DNA2: variants seen among roughly 807,000 people sequenced by gnomAD.
DNA2 encodes the protein DNA replication helicase/nuclease 2, also known as DNA replication ATP-dependent helicase/nuclease DNA2.
Under a neutral mutation model 119.1 loss-of-function variants are expected in DNA2, and 101 were observed. The observed-to-expected ratio is 0.85, with a 90% confidence interval of 0.72 to 1.00. The LOEUF is 1.00. DNA2 is among the 50% of genes least tolerant of loss of function. The pLI, the probability that DNA2 is intolerant of heterozygous loss-of-function variation, is 0.00. For missense variants in DNA2, 1,121 were observed against 1,255.5 expected, an observed-to-expected ratio of 0.89 and a Z score of 1.62; for synonymous variants, 366 against 424.4, an observed-to-expected ratio of 0.86 and a Z score of 1.69.
chr10:68,457,670 A>G (rs2133428446), intron 5 of DNA2, among the ~76,000 whole-genome samples: 1 of 152,016 alleles, frequency 6.6e-6, no homozygotes, highest in South Asian at 2.1e-4. Context: ...CACCCAATAA[A>G]TATTTGCTAA....
chr10:68,424,893 A>C, intron 14 of DNA2: 66 of 722,842 alleles, frequency 9.1e-5, no homozygotes, highest in Middle Eastern at 2.5e-4. Flanking sequence ...GCTAAATCTC[A>C]ACAAGGATCG....
intron 8 of DNA2, among the ~76,000 whole-genome samples, chr10:68,443,958 A>C (rs1392115965): frequency 6.6e-6 from 1 of 151,988 alleles, no homozygotes; most frequent in East Asian, 1.9e-4. Context: ...CTCAAAAAAA[A>C]AGAAAAAAAG....
intron 14 of DNA2, among the ~76,000 whole-genome samples, chr10:68,425,288 GT>G (rs895111522): frequency 1.3e-5 from 2 of 151,206 alleles, no homozygotes; most frequent in African/African-American, 4.9e-5. Flanking sequence ...TAGAGGCAGG[GT>G]TTCACTATGT....
At position 68,459,222 on chromosome 10, in the gene DNA2, G is replaced by T. The variant is rs896410066; in HGVS notation, c.601C>A (p.Leu201Ile). The T allele has an allele frequency of 2.6e-6, 4 of 1,553,606 alleles. No homozygotes were observed. The African/African-American group carries it at 5.5e-5, about 21-fold the overall frequency. Residue 201 changes from leucine (L) to isoleucine (I), a missense_variant, in exon 5 of 21, where the codon CTA (leucine) becomes ATA (isoleucine). Leu to Ile is a conservative substitution (Grantham distance 5, BLOSUM62 2). Transcript: ENST00000358410. ...TCTTGTTTTATTTCATCTTGACTTA[G>T]ATTTAAGCGGTACCTGCCAAAAATA... ...RHLKEMYRLNLSQDEIKQEVE... is the reference protein window; with the variant it reads ...RHLKEMYRLNISQDEIKQEVE...
chr10:68,448,602 A>G (rs1158377166), intron 6 of DNA2, among the ~76,000 whole-genome samples: 1 of 152,164 alleles, frequency 6.6e-6, no homozygotes, highest in Non-Finnish European at 1.5e-5. Context: ...TTTCAATACA[A>G]GAATTACTAC....
At chr10:68,456,446 G>A (rs546165625) in intron 5 of DNA2, among the ~76,000 whole-genome samples, 5 of 152,188 alleles carry the variant, frequency 3.3e-5, no homozygotes, top group East Asian at 3.9e-4. Context: ...GTGGAGTCTC[G>A]TTTTGTTGCC....
At chr10:68,421,825 T>TC (rs111771469) in intron 17 of DNA2, among the ~76,000 whole-genome samples, 28,909 of 151,548 alleles carry the variant, frequency 0.19, 3,068 homozygotes, top group African/African-American at 0.28. Flanking sequence ...CCTTTTTTTT[T>TC]CCCCCCAAGA....
intron 5 of DNA2, among the ~76,000 whole-genome samples, chr10:68,453,624 T>G (rs2052147700): frequency 6.6e-6 from 1 of 152,224 alleles, no homozygotes; most frequent in South Asian, 2.1e-4. Context: ...CATCTAGCTA[T>G]TGTGGTAATA....
intron 10 of DNA2, among the ~76,000 whole-genome samples, chr10:68,433,132 C>T (rs76815166): frequency 0.094 from 14,226 of 152,102 alleles, 998 homozygotes; most frequent in South Asian, 0.24. Flanking sequence ...ACTTTCAAAG[C>T]AGAACTCCTC....
At chr10:68,465,306 C>A (rs959696625) in intron 4 of DNA2, among the ~76,000 whole-genome samples, 2 of 152,028 alleles carry the variant, frequency 1.3e-5, no homozygotes, top group Non-Finnish European at 2.9e-5. Context: ...CGTGAGCCAC[C>A]GCACCTGGCC....
chr10:68,463,824 C>T (rs61855140), intron 4 of DNA2, among the ~76,000 whole-genome samples: 14,052 of 152,194 alleles, frequency 0.092, 947 homozygotes, highest in South Asian at 0.25. Context: ...CTGTTACTTT[C>T]CTAGGTTTCT....
At chr10:68,466,292 A>G (rs2052325917) in intron 3 of DNA2, among the ~76,000 whole-genome samples, 4 of 152,184 alleles carry the variant, frequency 2.6e-5, no homozygotes, top group Admixed American at 2.6e-4. Flanking sequence ...AAAAATTAAA[A>G]TAACCAATAT....
At chr10:68,439,530 C>T (rs920765150) in intron 9 of DNA2, among the ~76,000 whole-genome samples, 4 of 151,620 alleles carry the variant, frequency 2.6e-5, no homozygotes, top group African/African-American at 7.3e-5. Flanking sequence ...GGTGAAACCC[C>T]GTTTCTACTA....
intron 6 of DNA2, among the ~76,000 whole-genome samples, chr10:68,448,338 A>C (rs1485216873): frequency 1.3e-5 from 2 of 152,218 alleles, no homozygotes; most frequent in Non-Finnish European, 2.9e-5. Flanking sequence ...CAAGTTAAAA[A>C]TAGTCCTTTT....
rs778054839 is a variant in DNA2, at chr10:68,442,918, T to C, written c.1414A>G (p.Met472Val). The change falls in exon 9 of 21, where the codon ATG becomes GTG. Residue 472 changes from methionine to valine, a missense_variant and splice_region_variant. Met to Val is a conservative substitution (Grantham distance 21, BLOSUM62 1). Coordinates refer to ENST00000358410, the MANE Select transcript of DNA2 (RefSeq NM_001080449.3). ...TACTGTACTAAATGGACCACTTACA[T>C]TTCCGAAGCAGGCATTAGCCAGATA... is the stretch of plus-strand genomic sequence containing the variant. ...QNIWLMPASE[M>V]EKSGSCIGNL... 4 of 1,608,624 alleles carry C rather than the reference T, an allele frequency of 2.5e-6. No homozygotes were observed. The highest frequency in any genetic ancestry group is 3.4e-6 in the Non-Finnish European group (4 of 1,177,778).
chr10:68,443,439 A>G (rs533679858), intron 8 of DNA2, among the ~76,000 whole-genome samples: 70 of 152,330 alleles, frequency 4.6e-4, no homozygotes, highest in Non-Finnish European at 9.1e-4. Flanking sequence ...ATATTTGTAC[A>G]CCCAGCTCAG....
intron 5 of DNA2, among the ~76,000 whole-genome samples, chr10:68,452,126 G>A (rs560288037): frequency 6.6e-6 from 1 of 151,796 alleles, no homozygotes; most frequent in South Asian, 2.1e-4. Flanking sequence ...TCTGTTGCCC[G>A]GGGTAGAGTG....
rs1200512733 is a variant in DNA2, at chr10:68,437,059, C to T, written c.1598G>A (p.Gly533Glu). ...EERSLFALSR[G>E]YVKEINMTTV... The stretch of plus-strand genomic sequence containing the variant: ...TGTCATGTTAATCTCCTTCACATAT[C>T]CTCTAGACAAAGCAAACAGTGACCT... Residue 533 changes from glycine to glutamate, a missense_variant, in exon 10 of 21, where the codon GGA becomes GAA. By Grantham distance (98) the Gly-to-Glu change is moderately conservative. Transcript: ENST00000358410. 1.2e-6 allele frequency: 2 copies of T among 1,613,888 alleles called. No individual in the cohort carries two copies. The highest frequency in any genetic ancestry group is 3.3e-5 in the Admixed American group (2 of 60,024).
intron 14 of DNA2, 46 bp downstream of exon 14, chr10:68,430,390 C>A (rs765977243): frequency 7.4e-7 from 1 of 1,348,960 alleles, no homozygotes; most frequent in Non-Finnish European, 1.0e-6. Flanking sequence ...CTCATTCTGG[C>A]TGTGGACATT....
Sources: allele counts gnomAD v4.1 joint callset (sites outside exome capture counted in the v4.1 genomes callset), GRCh38; gene constraint gnomAD v4.1.1; transcripts MANE v1.5; gene names NCBI Gene and HGNC (gene_info 2026-07-23, HGNC 2026-07-21).